The following MUC17 variants were observed in gnomAD, a reference collection of about 807,000 sequenced individuals.
MUC17 encodes mucin 17, cell surface associated.
Under a neutral mutation model 170.3 loss-of-function variants are expected in MUC17, and 190 were observed. The ratio of observed to expected loss-of-function variants is 1.12; its 90% CI spans 0.99 to 1.26. MUC17 has a LOEUF of 1.26. Among genes scored for constraint, MUC17 ranks in the 50% most tolerant of loss-of-function variants. MUC17 has a pLI of 0.00. For missense variants in MUC17, 6,415 were observed against 5,530.0 expected, an observed-to-expected ratio of 1.16 and a Z score of -5.08; for synonymous variants, 2,325 against 2,002.5, an observed-to-expected ratio of 1.16 and a Z score of -4.30.
intron 11 of MUC17, among the ~76,000 whole-genome samples, chr7:101,053,888 A>T (rs1394711210): frequency 2.0e-5 from 3 of 148,822 alleles, no homozygotes; most frequent in African/African-American, 7.3e-5. Context: ...CTCAAAAAAA[A>T]AAAAAAGAAA....
At position 101,040,447 on chromosome 7, in the gene MUC17, C is replaced by T. The variant is rs757084416; in HGVS notation, c.9031C>T (p.Pro3011Ser). Residue 3011 changes from proline (P) to serine (S), a missense_variant, in exon 3 of 13, where the codon CCT becomes TCT. Pro to Ser is a moderately conservative substitution (Grantham distance 74). Transcript: ENST00000306151. ...TGAGGCTAGCACCCTTTCAAGAACT[C>T]CTGCTGACACCAGCACACCTGTGAC... Reference protein sequence around the residue: ...SSEASTLSRTPADTSTPVTTS... With the variant: ...SSEASTLSRTSADTSTPVTTS... The T allele has an allele frequency of 8.7e-6, 14 of 1,611,818 alleles. No individual in the cohort carries two copies. The highest frequency in any genetic ancestry group is 1.6e-4 in the Middle Eastern group (1 of 6,080).
chr7:101,035,077 T>A lies in MUC17; in HGVS notation c.3661T>A (p.Leu1221Ile). ...AACTCCTGGAGAAAGAAGCACTCCA[T>A]TAACAAGTATGCCTGTCAGACACAC... ...TSTPGERSTP[L>I]TSMPVRHTPV... Residue 1221 changes from leucine to isoleucine, a missense_variant, in exon 3 of 13, where the codon TTA (leucine) becomes ATA (isoleucine). Physicochemically the swap from Leu to Ile is conservative, Grantham distance 5. Coordinates refer to ENST00000306151, the MANE Select transcript of MUC17 (RefSeq NM_001040105.2). 1 of 1,611,672 alleles carries A rather than the reference T, an allele frequency of 6.2e-7. No homozygotes were observed. Among genetic ancestry groups the A allele is most frequent in the South Asian group, 1.1e-5 (1 of 90,938 alleles).
Position 101,042,430 on chromosome 7 carries a change from G to A in MUC17, c.11014G>A (p.Val3672Ile). 1.2e-6 allele frequency: 2 copies of A among 1,613,870 alleles called. No homozygotes were observed. Among genetic ancestry groups the A allele is most frequent in the Non-Finnish European group, 8.5e-7 (1 of 1,179,950 alleles). ...CACACCTGTGATCACTTCTACCCAA[G>A]TCAGTTCATCTCCTGTGACTCCTGA... ...TSTPVITSTQ[V>I]SSSPVTPEGT... is the part of the protein sequence containing the mutation. Residue 3672 changes from valine to isoleucine, a missense_variant, in exon 3 of 13, where the codon GTC (valine) becomes ATC (isoleucine). Val to Ile is a conservative substitution (Grantham distance 29). Coordinates refer to ENST00000306151, the MANE Select transcript of MUC17 (RefSeq NM_001040105.2).
rs776036703 is a variant in MUC17 at position 101,048,960 on chromosome 7, A to T, written c.12651A>T (p.Thr4217=). 8 of 1,614,196 alleles carry T rather than the reference A, an allele frequency of 5.0e-6. No individual in the cohort carries two copies. The South Asian group carries it at 6.6e-5, about 13-fold the overall frequency. ...AGGAATTCCAGGAGTTCAAACAGAC[A>T]TTCACGGAACAGGTAAGTCTGGGAG... The part of the protein sequence containing the change: ...SSQEFQEFKQ[T]FTEQMNIVYS... The change falls in exon 5 of 13, where the codon ACA becomes ACT. Residue 4217 remains threonine, a synonymous_variant. Transcript: ENST00000306151.
rs1292068876 is a variant in MUC17, at chr7:101,056,154, T to G, written c.13364-40T>G. 2.5e-6 allele frequency: 4 copies of G among 1,612,890 alleles called. No individual in the cohort carries two copies. The East Asian group carries it at 8.9e-5, about 36-fold the overall frequency. On this transcript the variant is annotated intron_variant, in intron 11 of 12. Transcript: ENST00000306151. Reference sequence around the variant, plus strand: ...AGGGAGAGATGAAAGTTTGTCCTTCTAACCTCCTGTTTCCATGGTGCTTTC... The same window carrying G: ...AGGGAGAGATGAAAGTTTGTCCTTCGAACCTCCTGTTTCCATGGTGCTTTC...
chr7:101,030,449 T>C (rs1254792255), intron 1 of MUC17, among the ~76,000 whole-genome samples: 1 of 152,184 alleles, frequency 6.6e-6, no homozygotes, highest in Admixed American at 6.5e-5. Flanking sequence ...GGTCTCGAAC[T>C]CCTGACCTCG....
rs768357634 is a variant in MUC17, at chr7:101,038,924, T to C, written c.7508T>C (p.Ile2503Thr). 1.1e-5 allele frequency: 17 copies of C among 1,610,808 alleles called. 1 individual carries two copies. Among genetic ancestry groups the C allele is most frequent in the Admixed American group, 6.7e-5 (4 of 59,704 alleles). ...ASSSPTTAEDIVVPISTASEG... is the reference protein window; with the variant it reads ...ASSSPTTAEDTVVPISTASEG... ...TCATCTCCTACAACTGCTGAAGATA[T>C]CGTCGTGCCAATCTCAACTGCTAGT... Residue 2503 changes from isoleucine (I) to threonine (T), a missense_variant, in exon 3 of 13, where the codon ATC becomes ACC. Ile to Thr is a moderately conservative substitution (Grantham distance 89). Transcript: ENST00000306151.
rs1206533124 is a variant in MUC17 at position 101,039,725 on chromosome 7, C to G, written c.8309C>G (p.Thr2770Ser). 3.7e-6 allele frequency: 6 copies of G among 1,610,776 alleles called. No homozygotes were observed. In the African/African-American group the frequency reaches 6.7e-5, roughly 18 times the overall value. ...CCAGTGGCCAGTTCTGAGGCTAGCA[C>G]CGTTTCAACAACTGCTGTTGACACC... ...TLPVASSEAS[T>S]VSTTAVDTSI... is the part of the protein sequence containing the mutation. The change falls in exon 3 of 13, where the codon ACC (threonine) becomes AGC (serine). Residue 2770 changes from threonine (T) to serine (S), a missense_variant. By Grantham distance (58) the Thr-to-Ser change is moderately conservative (BLOSUM62 1). Coordinates refer to ENST00000306151, the MANE Select transcript of MUC17 (RefSeq NM_001040105.2).
Position 101,034,094 on chromosome 7 carries a change from G to T in MUC17, c.2678G>T (p.Ser893Ile). 1.3e-6 allele frequency: 2 copies of T among 1,584,182 alleles called. No individual in the cohort carries two copies. Among genetic ancestry groups the T allele is most frequent in the Non-Finnish European group, 1.7e-6 (2 of 1,164,692 alleles). ...CTTTCAACAACTCCTGTTGACACCA[G>T]CACACCTGTGACCAATTCTACTGAA... is the stretch of plus-strand genomic sequence containing the variant. ...STLSTTPVDT[S>I]TPVTNSTEAR... Residue 893 changes from serine to isoleucine, a missense_variant, in exon 3 of 13, where the codon AGC becomes ATC. Coordinates refer to ENST00000306151, the MANE Select transcript of MUC17 (RefSeq NM_001040105.2).
rs766482362 is a variant in MUC17 at position 101,038,185 on chromosome 7, G to C, written c.6769G>C (p.Ala2257Pro). ...CACACCTGTGACCACTTCTACTGAA[G>C]CCACTTCATCTCCTACAACTGCTGA... ...TSTPVTTSTE[A>P]TSSPTTAEGT... Residue 2257 changes from alanine to proline, a missense_variant, in exon 3 of 13, where the codon GCC becomes CCC. Physicochemically the swap from Ala to Pro is conservative, Grantham distance 27. Transcript: ENST00000306151. 7.4e-6 allele frequency: 12 copies of C among 1,613,998 alleles called. No individual in the cohort carries two copies. The Admixed American group carries it at 1.0e-4, about 13-fold the overall frequency.
At chr7:101,046,603 C>T (rs1794845777) in intron 3 of MUC17, among the ~76,000 whole-genome samples, 1 of 152,014 alleles carries the variant, frequency 6.6e-6, no homozygotes, top group African/African-American at 2.4e-5. Flanking sequence ...GAGCAATACC[C>T]CATCTCTACA....
At position 101,040,114 on chromosome 7, in the gene MUC17, G is replaced by A. The variant is rs1399411320; in HGVS notation, c.8698G>A (p.Val2900Ile). ...STTPVDTSIPVTTSTEGSSSP... is the reference protein window; with the variant it reads ...STTPVDTSIPITTSTEGSSSP... Reference sequence around the variant, plus strand: ...AACTCCTGTTGATACCAGCATACCTGTCACCACTTCTACTGAAGGCAGTTC... The same window carrying A: ...AACTCCTGTTGATACCAGCATACCTATCACCACTTCTACTGAAGGCAGTTC... Residue 2900 changes from valine (V) to isoleucine (I), a missense_variant, in exon 3 of 13, where the codon GTC becomes ATC. Coordinates refer to ENST00000306151, the MANE Select transcript of MUC17 (RefSeq NM_001040105.2). 4 of 1,612,684 alleles carry A rather than the reference G, an allele frequency of 2.5e-6. No homozygotes were observed. Among genetic ancestry groups the A allele is most frequent in the Non-Finnish European group, 3.4e-6 (4 of 1,179,456 alleles).
chr7:101,033,415 ACTTCAT>A lies in MUC17; in HGVS notation c.2004_2009del (p.Ser669_Ser670del). ...TCCTGTGACCACTTCAACTGAAGCC[ACTTCAT>A]CTTCTACAACTGCGGAAGGTACCAG... On this transcript the variant is annotated inframe_deletion, in exon 3 of 13. Coordinates refer to ENST00000306151, the MANE Select transcript of MUC17 (RefSeq NM_001040105.2). 1 of 1,613,298 alleles carries A rather than the reference ACTTCAT, an allele frequency of 6.2e-7. No individual in the cohort carries two copies. Among genetic ancestry groups the A allele is most frequent in the South Asian group, 1.1e-5 (1 of 90,938 alleles).
chr7:101,042,561 A>C lies in MUC17; in HGVS notation c.11145A>C (p.Ser3715=). The change falls in exon 3 of 13, where the codon TCA becomes TCC. Residue 3715 remains serine, a synonymous_variant. Coordinates refer to ENST00000306151, the MANE Select transcript of MUC17 (RefSeq NM_001040105.2). Reference sequence around the variant, plus strand: ...CCAGCTCTGAGGGTAGCACCCTTTCAACACCTTCTGTTGTCACCAGCACAC... The same window carrying C: ...CCAGCTCTGAGGGTAGCACCCTTTCCACACCTTCTGTTGTCACCAGCACAC... ...RVTSSEGSTL[S]TPSVVTSTPV... The C allele has an allele frequency of 6.2e-7, 1 of 1,613,458 alleles. No individual in the cohort carries two copies. The highest frequency in any genetic ancestry group is 8.5e-7 in the Non-Finnish European group (1 of 1,179,840).
rs543441896 is a variant in MUC17, at chr7:101,041,722, G to T, written c.10306G>T (p.Ala3436Ser). The T allele has an allele frequency of 8.7e-6, 14 of 1,612,926 alleles. No individual in the cohort carries two copies. The East Asian group carries it at 2.9e-4, about 33-fold the overall frequency. ...CACTCTGGTGACCACTTCTACTGAA[G>T]CCAGTTCATCTCCTACAATCGCTGA... is the stretch of plus-strand genomic sequence containing the variant. ...SNTLVTTSTE[A>S]SSSPTIAEGT... is the part of the protein sequence containing the mutation. Residue 3436 changes from alanine (A) to serine (S), a missense_variant, in exon 3 of 13, where the codon GCC (alanine) becomes TCC (serine). Transcript: ENST00000306151.
At chr7:101,046,288 T>C (rs912922782) in intron 3 of MUC17, among the ~76,000 whole-genome samples, 7 of 152,174 alleles carry the variant, frequency 4.6e-5, no homozygotes, top group Non-Finnish European at 2.9e-5. Flanking sequence ...AGTCTATACA[T>C]ACCTCGTGCA....
rs771488839 is a variant in MUC17, at chr7:101,051,645, G to T, written c.12907G>T (p.Val4303Leu). ...GTGTTTCAACACCACTGGCACCCAA[G>T]TGCAAAACATTACGGTGACCCAGTA... ...MMCFNTTGTQ[V>L]QNITVTQYDP... is the part of the protein sequence containing the mutation. Residue 4303 changes from valine to leucine, a missense_variant, in exon 8 of 13, where the codon GTG becomes TTG. Transcript: ENST00000306151. 6.2e-7 allele frequency: 1 copy of T among 1,612,116 alleles called. No individual in the cohort carries two copies. Among genetic ancestry groups the T allele is most frequent in the Non-Finnish European group, 8.5e-7 (1 of 1,179,594 alleles).
chr7:101,035,447 T>A lies in MUC17; in HGVS notation c.4031T>A (p.Val1344Asp). The change falls in exon 3 of 13, where the codon GTC becomes GAC. Residue 1344 changes from valine (V) to aspartate (D), a missense_variant. Coordinates refer to ENST00000306151, the MANE Select transcript of MUC17 (RefSeq NM_001040105.2). ...EGRTPLTSIPVNTTLVASSAI... is the reference protein window; with the variant it reads ...EGRTPLTSIPDNTTLVASSAI... ...AGAACTCCTTTAACAAGTATACCTG[T>A]CAACACCACACTGGTGGCCAGTTCT... 1.2e-6 allele frequency: 2 copies of A among 1,601,498 alleles called. No homozygotes were observed. The highest frequency in any genetic ancestry group is 1.7e-6 in the Non-Finnish European group (2 of 1,172,186).
rs948617733 is a variant in MUC17 at position 101,051,543 on chromosome 7, G to A, written c.12875-70G>A. 1.8e-5 allele frequency: 28 copies of A among 1,514,042 alleles called. 2 individuals are homozygous for A. Among genetic ancestry groups the A allele is most frequent in the Admixed American group, 1.7e-4 (9 of 53,484 alleles). The allele number at this position is 1,514,042 out of a possible 1,614,324, so 93.8% of individuals were successfully genotyped here. A position where few individuals can be genotyped will look rare whatever the true frequency, so the allele number is the denominator to read the frequency against. On this transcript the variant is annotated intron_variant, in intron 7 of 12. Coordinates refer to ENST00000306151, the MANE Select transcript of MUC17 (RefSeq NM_001040105.2). The stretch of plus-strand genomic sequence containing the variant: ...GCCCACCCCCTTCTCACACACACAC[G>A]TCTCAGCTCCCTGAGGACGCAGAAC...
Sources: gnomAD v4.1 joint callset for allele counts (sites outside exome capture counted in the v4.1 genomes callset) on GRCh38, gnomAD v4.1.1 for gene constraint, MANE v1.5 for transcripts, NCBI Gene and HGNC (gene_info 2026-07-23, HGNC 2026-07-21) for gene names.